The following NUBPL variants were observed in gnomAD, a reference collection of about 807,000 sequenced individuals.
NUBPL encodes NUBP iron-sulfur cluster assembly factor, mitochondrial, also known as iron-sulfur cluster transfer protein NUBPL.
Under a neutral mutation model 45.7 loss-of-function variants are expected in NUBPL, and 31 were observed. That is an observed-to-expected ratio of 0.68 (90% CI 0.51 to 0.92). NUBPL has a LOEUF of 0.92. NUBPL is among the 40% of genes least tolerant of loss of function. NUBPL has a pLI of 0.00. For missense variants in NUBPL, 401 were observed against 398.7 expected (o/e 1.01, Z -0.05); for synonymous variants, 144 against 140.9 (o/e 1.02, Z -0.15).
intron 7 of NUBPL, among the ~76,000 whole-genome samples, chr14:31,791,426 C>T (rs537929536): frequency 1.3e-5 from 2 of 152,222 alleles, no homozygotes; most frequent in South Asian, 2.1e-4. Flanking sequence ...AGTCTATTCC[C>T]TAGACAAGAG....
Position 31,593,736 on chromosome 14 carries a change from A to G in NUBPL, c.292-5553A>G, listed in dbSNP as rs369041038. On this transcript the variant is annotated intron_variant, in intron 3 of 10. Coordinates refer to ENST00000281081, the MANE Select transcript of NUBPL (RefSeq NM_025152.3). ...TAGCCTGGCCAGTGAATGCCTTACT[A>G]TATGGTTATGTTTAAATCAAGACTT... Among the ~76,000 whole-genome samples the G allele has an allele frequency of 3.3e-5, 5 of 152,222 alleles. No homozygotes were observed. The South Asian group carries it at 1.0e-3, about 32-fold the overall frequency.
intron 3 of NUBPL, among the ~76,000 whole-genome samples, chr14:31,566,673 G>A (rs1001063277): frequency 6.6e-6 from 1 of 151,970 alleles, no homozygotes. Flanking sequence ...AACTTTGCTG[G>A]TGTGACTAAC....
At chr14:31,618,940 C>CT (rs769232491) in intron 4 of NUBPL, among the ~76,000 whole-genome samples, 2 of 152,128 alleles carry the variant, frequency 1.3e-5, no homozygotes, top group Non-Finnish European at 2.9e-5. Flanking sequence ...TTGTATGTCT[C>CT]TAAGAACTTG....
intron 6 of NUBPL, among the ~76,000 whole-genome samples, chr14:31,758,253 G>C (rs549741261): frequency 1.3e-5 from 2 of 152,260 alleles, no homozygotes; most frequent in South Asian, 4.1e-4. Context: ...TGTTTATTGA[G>C]TGAATCAATT....
intron 6 of NUBPL, among the ~76,000 whole-genome samples, chr14:31,677,047 A>T (rs2036717414): frequency 6.6e-6 from 1 of 151,996 alleles, no homozygotes; most frequent in Non-Finnish European, 1.5e-5. Context: ...TAATTTAAAA[A>T]TTTTATGGGT....
At chr14:31,662,202 C>A (rs1411323906) in intron 4 of NUBPL, 1 of 151,536 alleles carries the variant, frequency 6.6e-6, no homozygotes, top group Non-Finnish European at 1.5e-5. Flanking sequence ...CATTTCTGAG[C>A]TTTCAATTTA....
intron 4 of NUBPL, chr14:31,654,171 T>C: frequency 2.2e-6 from 1 of 451,170 alleles, no homozygotes; most frequent in South Asian, 1.6e-5. Flanking sequence ...CCATTGCATA[T>C]AAAAGTTATG....
chr14:31,752,523 C>T (rs980717427), intron 6 of NUBPL, among the ~76,000 whole-genome samples: 5 of 152,218 alleles, frequency 3.3e-5, no homozygotes, highest in African/African-American at 7.2e-5. Context: ...AGAAGTTCCT[C>T]ATCTCCATCT....
chr14:31,645,007 C>G (rs539451981), intron 4 of NUBPL, among the ~76,000 whole-genome samples: 31 of 151,990 alleles, frequency 2.0e-4, no homozygotes, highest in Admixed American at 7.9e-4. Context: ...AATATCTTCT[C>G]CAATCTCCTT....
chr14:31,592,709 C>G (rs2034174397), intron 3 of NUBPL, among the ~76,000 whole-genome samples: 1 of 152,022 alleles, frequency 6.6e-6, no homozygotes, highest in South Asian at 2.1e-4. Context: ...GGCTTAGTAG[C>G]AAATTTTCAT....
At chr14:31,833,101 C>T (rs774186609) in intron 8 of NUBPL, among the ~76,000 whole-genome samples, 1 of 152,140 alleles carries the variant, frequency 6.6e-6, no homozygotes, top group Non-Finnish European at 1.5e-5. Context: ...GGCGTGGTGG[C>T]TCATGCCTGT....
chr14:31,583,983 C>T (rs914229615), intron 3 of NUBPL, among the ~76,000 whole-genome samples: 4 of 152,098 alleles, frequency 2.6e-5, no homozygotes, highest in African/African-American at 9.7e-5. Flanking sequence ...CAAAATTGCC[C>T]TTGCTTATGA....
intron 6 of NUBPL, among the ~76,000 whole-genome samples, chr14:31,720,274 T>C (rs148136908): frequency 3.7e-4 from 56 of 152,362 alleles, no homozygotes; most frequent in African/African-American, 1.3e-3. Flanking sequence ...ACTGCAATAA[T>C]AACGTGCATA....
chr14:31,652,014 T>C (rs1332707899), intron 4 of NUBPL, among the ~76,000 whole-genome samples: 3 of 152,016 alleles, frequency 2.0e-5, no homozygotes, highest in Non-Finnish European at 2.9e-5. Flanking sequence ...CATCACTAAG[T>C]GTCCATCAAT....
chr14:31,627,000 C>T (rs1381586414), intron 4 of NUBPL, among the ~76,000 whole-genome samples: 2 of 152,010 alleles, frequency 1.3e-5, no homozygotes, highest in Non-Finnish European at 2.9e-5. Context: ...TTACCGTAGA[C>T]CCATGGAATA....
intron 4 of NUBPL, among the ~76,000 whole-genome samples, chr14:31,628,140 C>T (rs937676022): frequency 7.9e-5 from 12 of 152,074 alleles, no homozygotes; most frequent in Non-Finnish European, 1.5e-4. Context: ...TTTTAATAGC[C>T]TTTTAAATAA....
At chr14:31,704,064 A>C (rs1273279803) in intron 6 of NUBPL, among the ~76,000 whole-genome samples, 1 of 152,126 alleles carries the variant, frequency 6.6e-6, no homozygotes, top group African/African-American at 2.4e-5. Context: ...CAAGACCACA[A>C]ATCTTTGAGG....
At chr14:31,744,666 G>T (rs1198043118) in intron 6 of NUBPL, among the ~76,000 whole-genome samples, 1 of 144,044 alleles carries the variant, frequency 6.9e-6, no homozygotes, top group African/African-American at 2.6e-5. Flanking sequence ...CTGTCACCCG[G>T]GCTGGAATGC....
chr14:31,718,024 C>T (rs183711798), intron 6 of NUBPL, among the ~76,000 whole-genome samples: 1 of 152,288 alleles, frequency 6.6e-6, no homozygotes, highest in East Asian at 1.9e-4. Flanking sequence ...TTAGCCAAAA[C>T]ATCTAAGGCA....
Sources: allele counts gnomAD v4.1 joint callset (sites outside exome capture counted in the v4.1 genomes callset), GRCh38; gene constraint gnomAD v4.1.1; transcripts MANE v1.5; gene names NCBI Gene and HGNC (gene_info 2026-07-23, HGNC 2026-07-21).